Variants in HS3ST4 observed in about 807,000 individuals in gnomAD.
HS3ST4 encodes the protein heparan sulfate glucosamine 3-O-sulfotransferase 4.
A neutral mutation model predicts 29.2 loss-of-function variants in HS3ST4; 17 were observed. The ratio of observed to expected loss-of-function variants is 0.58; its 90% confidence interval spans 0.40 to 0.87. The LOEUF (loss-of-function observed/expected upper bound fraction) is 0.87, where lower values mean the gene tolerates loss of function less well. Ranked by LOEUF, HS3ST4 falls within the 40% of genes least tolerant of loss-of-function variation. The pLI, the probability that HS3ST4 is intolerant of heterozygous loss-of-function variation, is 0.00. For missense variants in HS3ST4, 627 were observed against 634.5 expected, an observed-to-expected ratio of 0.99 and a Z score of 0.13; for synonymous variants, 314 against 285.7, an observed-to-expected ratio of 1.10 and a Z score of -1.00.
At chr16:25,945,502 A>G (rs1444284882) in intron 1 of HS3ST4, among the ~76,000 whole-genome samples, 1 of 152,170 alleles carries the variant, frequency 6.6e-6, no homozygotes, top group Non-Finnish European at 1.5e-5. Context: ...CCTTTGGTAT[A>G]TTCTGAGAAT....
At chr16:26,101,848 T>C (rs1898993403) in intron 1 of HS3ST4, among the ~76,000 whole-genome samples, 1 of 152,210 alleles carries the variant, frequency 6.6e-6, no homozygotes. Context: ...CAAGTTTATA[T>C]TCCTTTGTAA....
At chr16:26,033,147 G>T (rs1198022014) in intron 1 of HS3ST4, among the ~76,000 whole-genome samples, 2 of 152,170 alleles carry the variant, frequency 1.3e-5, no homozygotes, top group Non-Finnish European at 2.9e-5. Context: ...GGGAGGCCAT[G>T]GTAGGAGGAC....
At chr16:25,925,220 C>T (rs1051511863) in intron 1 of HS3ST4, among the ~76,000 whole-genome samples, 1 of 151,328 alleles carries the variant, frequency 6.6e-6, no homozygotes, top group East Asian at 1.9e-4. Context: ...TGGTTCTGAG[C>T]TCTGTAAAGA....
chr16:25,741,478 A>G (rs926447225), intron 1 of HS3ST4, among the ~76,000 whole-genome samples: 3 of 151,168 alleles, frequency 2.0e-5, no homozygotes, highest in Non-Finnish European at 4.4e-5. Context: ...CTTCTTGTTG[A>G]ACTTGGTTGA....
chr16:26,052,696 T>C (rs1898361920), intron 1 of HS3ST4, among the ~76,000 whole-genome samples: 1 of 152,224 alleles, frequency 6.6e-6, no homozygotes, highest in African/African-American at 2.4e-5. Context: ...TAAATGAAGA[T>C]GTTGCCTTTT....
intron 1 of HS3ST4, among the ~76,000 whole-genome samples, chr16:25,792,934 A>G (rs1966872694): frequency 6.6e-6 from 1 of 151,826 alleles, no homozygotes; most frequent in African/African-American, 2.4e-5. Flanking sequence ...TTTCCCTCTT[A>G]ATTACAATTT....
intron 1 of HS3ST4, among the ~76,000 whole-genome samples, chr16:25,793,989 GTTC>G (rs1324257735): frequency 6.6e-6 from 1 of 151,774 alleles, no homozygotes; most frequent in East Asian, 1.9e-4. Context: ...CTGGAATAAA[GTTC>G]TTCTTAATAT....
intron 1 of HS3ST4, among the ~76,000 whole-genome samples, chr16:25,878,739 A>G (rs1024687360): frequency 3.3e-5 from 5 of 152,154 alleles, no homozygotes; most frequent in Admixed American, 6.6e-5. Flanking sequence ...GTCTTCTGGG[A>G]TACTGATTCC....
intron 1 of HS3ST4, among the ~76,000 whole-genome samples, chr16:26,014,580 C>T (rs4346209): frequency 0.63 from 96,104 of 151,938 alleles, 30,822 homozygotes; most frequent in South Asian, 0.8. Flanking sequence ...CACTTATTAG[C>T]GAGAGCACAC....
chr16:26,038,654 TTATGTATGTATG>T lies in HS3ST4; in HGVS notation c.735-96934_735-96923del, dbSNP rs551652348. Reference sequence around the variant, plus strand: ...TCCAATGGTTCTATTTTTTTTTTAATTATGTATGTATGTATGTATGTATGTATGTATGTATTT... The same window carrying T: ...TCCAATGGTTCTATTTTTTTTTTAATTATGTATGTATGTATGTATGTATTT... On this transcript the variant is annotated intron_variant, in intron 1 of 1. Transcript: ENST00000331351. Among the ~76,000 whole-genome samples, 991 of 149,742 alleles carry T rather than the reference TTATGTATGTATG, an allele frequency of 6.6e-3. 9 individuals are homozygous for T. The highest frequency in any genetic ancestry group is 0.023 in the African/African-American group (909 of 40,350).
Position 25,789,421 on chromosome 16 carries a change from TC to T in HS3ST4, c.734+96272del, listed in dbSNP as rs1966863641. On this transcript the variant is annotated intron_variant, in intron 1 of 1. Coordinates refer to ENST00000331351, the MANE Select transcript of HS3ST4 (RefSeq NM_006040.3). ...TTTGTTTTTTCCTTCCTTCCTTCCT[TC>T]CTTCCTTCCTTCCTTCCTTCCTTCC... 1.4e-4 allele frequency among the ~76,000 whole-genome samples: 7 copies of T among 51,130 alleles called. 1 individual carries two copies. Among genetic ancestry groups the T allele is most frequent in the Admixed American group, 5.4e-4 (3 of 5,570 alleles). 33.5% of individuals were successfully genotyped at this position (51,130 alleles called of 152,430 possible).
chr16:26,019,154 G>C lies in HS3ST4; in HGVS notation c.735-116458G>C, dbSNP rs77117474. ...TTTTCTCTCTCATCTGCTACCCCCC[G>C]ATCCACCCCCTCAATCAATCCCTGC... is the stretch of plus-strand genomic sequence containing the variant. On this transcript the variant is annotated intron_variant, in intron 1 of 1. Coordinates refer to ENST00000331351, the MANE Select transcript of HS3ST4 (RefSeq NM_006040.3). Among the ~76,000 whole-genome samples the C allele has an allele frequency of 3.4e-4, 52 of 151,798 alleles. No individual in the cohort carries two copies. The East Asian group carries it at 8.7e-3, about 25-fold the overall frequency.
intron 1 of HS3ST4, among the ~76,000 whole-genome samples, chr16:26,108,606 G>C (rs1899087662): frequency 6.6e-6 from 1 of 152,126 alleles, no homozygotes; most frequent in Admixed American, 6.6e-5. Context: ...TTCTTTATTT[G>C]TAAAATAGAA....
At position 25,693,162 on chromosome 16, in the gene HS3ST4, G is replaced by T; in HGVS notation, c.734+11G>T. ...GTTGGAGTGGTACAGGTAGGACCCTGGGCTCCGCGGGCTGGTGGAGACGCG... is the reference window on the plus strand; with the variant it reads ...GTTGGAGTGGTACAGGTAGGACCCTTGGCTCCGCGGGCTGGTGGAGACGCG... On this transcript the variant is annotated intron_variant, in intron 1 of 1. Coordinates refer to ENST00000331351, the MANE Select transcript of HS3ST4 (RefSeq NM_006040.3). The T allele has an allele frequency of 6.4e-7, 1 of 1,553,938 alleles. No individual in the cohort carries two copies. Among genetic ancestry groups the T allele is most frequent in the South Asian group, 1.2e-5 (1 of 82,400 alleles).
At chr16:26,031,706 T>G (rs1208369826) in intron 1 of HS3ST4, among the ~76,000 whole-genome samples, 2 of 119,012 alleles carry the variant, frequency 1.7e-5, no homozygotes, top group African/African-American at 8.7e-5. Context: ...GGAGGCGTGT[T>G]TTTTTTTTTT....
chr16:26,134,662 A>AG (rs1898257172), intron 1 of HS3ST4, among the ~76,000 whole-genome samples: 1 of 152,144 alleles, frequency 6.6e-6, no homozygotes, highest in South Asian at 2.1e-4. Context: ...TTTACAAATG[A>AG]GGATAATAAG....
At chr16:25,983,052 A>T (rs2141723552) in intron 1 of HS3ST4, among the ~76,000 whole-genome samples, 1 of 152,332 alleles carries the variant, frequency 6.6e-6, no homozygotes, top group African/African-American at 2.4e-5. Context: ...GGAGGGAGAT[A>T]TGTGATGTCC....
intron 1 of HS3ST4, among the ~76,000 whole-genome samples, chr16:25,921,825 G>A (rs999183856): frequency 6.6e-6 from 1 of 150,748 alleles, no homozygotes; most frequent in African/African-American, 2.5e-5. Flanking sequence ...CTCAATCACA[G>A]CTCACCTCAG....
chr16:26,135,575 G>T, intron 1 of HS3ST4, 37 bp from the exon 2 acceptor site: 1 of 1,542,428 alleles, frequency 6.5e-7, no homozygotes, highest in South Asian at 1.3e-5. Context: ...TTCTGGACAG[G>T]AATAACCATT....
Sources: gnomAD v4.1 joint callset for allele counts (sites outside exome capture counted in the v4.1 genomes callset) on GRCh38, gnomAD v4.1.1 for gene constraint, MANE v1.5 for transcripts, NCBI Gene and HGNC (gene_info 2026-07-23, HGNC 2026-07-21) for gene names.